The following OR2J3 variants were observed in gnomAD, a reference collection of about 807,000 sequenced individuals.
OR2J3 encodes the protein olfactory receptor family 2 subfamily J member 3, also known as olfactory receptor 2J3.
Under a neutral mutation model 18.5 loss-of-function variants are expected in OR2J3, and 13 were observed. The ratio of observed to expected loss-of-function variants is 0.70; its 90% CI spans 0.46 to 1.12. OR2J3 has a LOEUF of 1.12. Ranked by LOEUF, OR2J3 falls within the 50% of genes most tolerant of loss-of-function variation. OR2J3 has a pLI of 0.00. For synonymous variants in OR2J3, 142 were observed against 140.6 expected (o/e 1.01, Z -0.07); for missense variants, 321 against 371.6 (o/e 0.86, Z 1.12).
In OR2J3 at chr6:29,112,782, A is replaced by C. The variant is rs777661564; in HGVS notation, c.892A>C (p.Lys298Gln). The C allele has an allele frequency of 1.2e-6, 2 of 1,613,684 alleles. No individual in the cohort carries two copies. Among genetic ancestry groups the C allele is most frequent in the Non-Finnish European group, 8.5e-7 (1 of 1,179,654 alleles). Reference protein sequence around the residue: ...LNPLIYTLRNKVVRGAVKRLM... With the variant: ...LNPLIYTLRNQVVRGAVKRLM... ...CCCTCTAATCTACACCCTCAGAAAC[A>C]AAGTTGTAAGAGGGGCAGTGAAGAG... is the stretch of plus-strand genomic sequence containing the variant. The change falls in exon 4 of 4, where the codon AAA (lysine) becomes CAA (glutamine). Residue 298 changes from lysine (K) to glutamine (Q), a missense_variant. Physicochemically the swap from Lys to Gln is moderately conservative, Grantham distance 53 (BLOSUM62 1). Transcript: ENST00000641151.
chr6:29,114,730 C>T lies in OR2J3; in HGVS notation c.*1904C>T, dbSNP rs958549612. 6.6e-6 allele frequency: 1 copy of T among 152,056 alleles called. No homozygotes were observed. The highest frequency in any genetic ancestry group is 1.5e-5 in the Non-Finnish European group (1 of 67,990). The allele number at this position is 152,056 out of a possible 1,614,324, so 9.4% of individuals were successfully genotyped here. A position where few individuals can be genotyped will look rare whatever the true frequency, so the allele number is the denominator to read the frequency against. ...AAACTTTGTACCCTTTGACCAATAT[C>T]TCCCCATTTTCCCTATTTCTCTCCA... On this transcript the variant is annotated 3_prime_UTR_variant, in exon 4 of 4. Coordinates refer to ENST00000641151, the MANE Select transcript of OR2J3 (RefSeq NM_001005216.4).
rs1002773113 is a variant in OR2J3 at position 29,114,594 on chromosome 6, G to C, written c.*1768G>C. 6.6e-6 allele frequency: 1 copy of C among 152,082 alleles called. No individual in the cohort carries two copies. Among genetic ancestry groups the C allele is most frequent in the Non-Finnish European group, 1.5e-5 (1 of 68,010 alleles). The allele number at this position is 152,082 out of a possible 1,614,324, so 9.4% of individuals were successfully genotyped here. On this transcript the variant is annotated 3_prime_UTR_variant, in exon 4 of 4. Transcript: ENST00000641151. ...CTCACATACTTACCTGTTTTGTGGTGAGAACATTTAGGATCTATTATCTTA... is the reference window on the plus strand; with the variant it reads ...CTCACATACTTACCTGTTTTGTGGTCAGAACATTTAGGATCTATTATCTTA...
intron 3 of OR2J3, among the ~76,000 whole-genome samples, chr6:29,110,021 C>T (rs1024598020): frequency 1.3e-5 from 2 of 152,126 alleles, no homozygotes; most frequent in African/African-American, 4.8e-5. Flanking sequence ...CTGTGATAGA[C>T]ACACCTGCAA....
At chr6:29,108,761 T>G (rs1762017429) in intron 2 of OR2J3, 63 bp from the exon 3 acceptor site, 1 of 152,182 alleles carries the variant, frequency 6.6e-6, no homozygotes, top group African/African-American at 2.4e-5. Context: ...AACTTAAACT[T>G]TTGATATGGC....
Position 29,112,559 on chromosome 6 carries a change from C to T in OR2J3, c.669C>T (p.Ala223=). 1 of 1,614,058 alleles carries T rather than the reference C, an allele frequency of 6.2e-7. No individual in the cohort carries two copies. The highest frequency in any genetic ancestry group is 8.5e-7 in the Non-Finnish European group (1 of 1,179,964). Residue 223 remains alanine (A), a synonymous_variant, in exon 4 of 4, where the codon GCC becomes GCT. Transcript: ENST00000641151. ...TCCTCATTCTCACTTCTTATGGTGC[C>T]ATCGTCCGAGCTATACTGAGGATGC... ...PLILILTSYG[A]IVRAILRMQS...
chr6:29,111,332 A>G (rs1451411492), intron 3 of OR2J3, among the ~76,000 whole-genome samples: 1 of 152,226 alleles, frequency 6.6e-6, no homozygotes. Context: ...TAACACAAAT[A>G]TCACTGAAGT....
Position 29,108,547 on chromosome 6 carries a change from T to C in OR2J3, c.-170T>C, listed in dbSNP as rs1450865451. 6.6e-6 allele frequency: 1 copy of C among 152,180 alleles called. No individual in the cohort carries two copies. Among genetic ancestry groups the C allele is most frequent in the Non-Finnish European group, 1.5e-5 (1 of 68,048 alleles). The allele number at this position is 152,180 out of a possible 1,614,324, so 9.4% of individuals were successfully genotyped here. A position where few individuals can be genotyped will look rare whatever the true frequency, so the allele number is the denominator to read the frequency against. On this transcript the variant is annotated 5_prime_UTR_variant, in exon 2 of 4. Coordinates refer to ENST00000641151, the MANE Select transcript of OR2J3 (RefSeq NM_001005216.4). ...TTTTATTTTTTGTAGAGACATGGTC[T>C]CACTTCATTGCCCAGGCTAGTCTCG...
chr6:29,112,728 T>A lies in OR2J3; in HGVS notation c.838T>A (p.Phe280Ile). ...SQDQGKFIALFYTVVTPSLNP... is the reference protein window; with the variant it reads ...SQDQGKFIALIYTVVTPSLNP... ...AGATCAAGGCAAGTTCATTGCCCTCTTTTATACTGTTGTCACACCTAGTCT... is the reference window on the plus strand; with the variant it reads ...AGATCAAGGCAAGTTCATTGCCCTCATTTATACTGTTGTCACACCTAGTCT... Residue 280 changes from phenylalanine to isoleucine, a missense_variant, in exon 4 of 4, where the codon TTT (phenylalanine) becomes ATT (isoleucine). Physicochemically the swap from Phe to Ile is conservative, Grantham distance 21 (BLOSUM62 0). Coordinates refer to ENST00000641151, the MANE Select transcript of OR2J3 (RefSeq NM_001005216.4). 1 of 1,614,090 alleles carries A rather than the reference T, an allele frequency of 6.2e-7. No individual in the cohort carries two copies. Among genetic ancestry groups the A allele is most frequent in the Non-Finnish European group, 8.5e-7 (1 of 1,179,974 alleles).
Position 29,113,168 on chromosome 6 carries a change from C to T in OR2J3, c.*342C>T. On this transcript the variant is annotated 3_prime_UTR_variant, in exon 4 of 4. Transcript: ENST00000641151. ...TCTTGATAAAAGCGAAGCTGTAAAT[C>T]CTATGAAAAGATGATACTCTCAATT... The T allele has an allele frequency of 4.2e-6, 1 of 239,532 alleles. No homozygotes were observed. The highest frequency in any genetic ancestry group is 8.0e-6 in the Non-Finnish European group (1 of 124,598). The allele number at this position is 239,532 out of a possible 1,614,324, so 14.8% of individuals were successfully genotyped here.
In OR2J3 at chr6:29,114,523, T is replaced by C. The variant is rs1762263220; in HGVS notation, c.*1697T>C. On this transcript the variant is annotated 3_prime_UTR_variant, in exon 4 of 4. Coordinates refer to ENST00000641151, the MANE Select transcript of OR2J3 (RefSeq NM_001005216.4). The stretch of plus-strand genomic sequence containing the variant: ...ATATACAGCATAATGTTTTGACATA[T>C]GCATAATTATGCAATTATTACTCAA... 6.7e-6 allele frequency: 1 copy of C among 149,444 alleles called. No homozygotes were observed. Among genetic ancestry groups the C allele is most frequent in the African/African-American group, 2.4e-5 (1 of 41,060 alleles). 9.3% of individuals were successfully genotyped at this position (149,444 alleles called of 1,614,324 possible). A position where few individuals can be genotyped will look rare whatever the true frequency, so the allele number is the denominator to read the frequency against.
In OR2J3 at chr6:29,112,580, G is replaced by C. The variant is rs772194673; in HGVS notation, c.690G>C (p.Arg230Ser). 3.9e-5 allele frequency: 63 copies of C among 1,613,872 alleles called. No homozygotes were observed. The East Asian group carries it at 1.3e-3, about 33-fold the overall frequency. Residue 230 changes from arginine (R) to serine (S), a missense_variant, in exon 4 of 4, where the codon AGG becomes AGC. By Grantham distance (110) the Arg-to-Ser change is moderately radical. Transcript: ENST00000641151. Reference sequence around the variant, plus strand: ...GTGCCATCGTCCGAGCTATACTGAGGATGCAGTCAACCACTGGGCTTCAGA... The same window carrying C: ...GTGCCATCGTCCGAGCTATACTGAGCATGCAGTCAACCACTGGGCTTCAGA... ...SYGAIVRAIL[R>S]MQSTTGLQKV...
chr6:29,111,570 T>C (rs905134360), intron 3 of OR2J3: 12 of 272,538 alleles, frequency 4.4e-5, no homozygotes, highest in Non-Finnish European at 8.2e-5. Context: ...CAAATTTTTA[T>C]CCACTAGTTT....
At chr6:29,109,072 T>C (rs1180555382) in intron 3 of OR2J3, among the ~76,000 whole-genome samples, 197 bp downstream of exon 3, 1 of 152,120 alleles carries the variant, frequency 6.6e-6, no homozygotes, top group Non-Finnish European at 1.5e-5. Context: ...ACTATAACAT[T>C]TGTGTTCATA....
rs1319334633 is a variant in OR2J3, at chr6:29,112,477, A to G, written c.587A>G (p.His196Arg). ...ALLRLSCVDT[H>R]VNELTLMITS... ...CTGCGATTATCGTGTGTTGATACCC[A>G]TGTCAATGAGCTGACCCTCATGATC... Residue 196 changes from histidine (H) to arginine (R), a missense_variant, in exon 4 of 4, where the codon CAT becomes CGT. Transcript: ENST00000641151. 4 of 1,614,106 alleles carry G rather than the reference A, an allele frequency of 2.5e-6. No individual in the cohort carries two copies. The highest frequency in any genetic ancestry group is 1.3e-5 in the African/African-American group (1 of 75,030).
chr6:29,110,525 T>G (rs1311100334), intron 3 of OR2J3, among the ~76,000 whole-genome samples: 1 of 152,170 alleles, frequency 6.6e-6, no homozygotes, highest in Non-Finnish European at 1.5e-5. Flanking sequence ...TCCTTATTTA[T>G]TAACAAAGAA....
Position 29,108,079 on chromosome 6 carries a change from G to T in OR2J3, c.-397G>T, listed in dbSNP as rs1471611311. Reference sequence around the variant, plus strand: ...TCAGAGCTTTCTCTTCTGTAGCAATGATAGTCATAGCTACATTCAGACTGT... The same window carrying T: ...TCAGAGCTTTCTCTTCTGTAGCAATTATAGTCATAGCTACATTCAGACTGT... On this transcript the variant is annotated 5_prime_UTR_variant, in exon 1 of 4. It removes an upstream start codon present in the reference 5' UTR. Coordinates refer to ENST00000641151, the MANE Select transcript of OR2J3 (RefSeq NM_001005216.4). 1 of 152,144 alleles carries T rather than the reference G, an allele frequency of 6.6e-6. No individual in the cohort carries two copies. The highest frequency in any genetic ancestry group is 2.4e-5 in the African/African-American group (1 of 41,434). 9.4% of individuals were successfully genotyped at this position (152,144 alleles called of 1,614,324 possible). A position where few individuals can be genotyped will look rare whatever the true frequency, so the allele number is the denominator to read the frequency against.
In OR2J3 at chr6:29,112,064, G is replaced by A. The variant is rs748760954; in HGVS notation, c.174G>A (p.Leu58=). The change falls in exon 4 of 4, where the codon CTG becomes CTA. Residue 58 remains leucine (L), a synonymous_variant. Coordinates refer to ENST00000641151, the MANE Select transcript of OR2J3 (RefSeq NM_001005216.4). The stretch of plus-strand genomic sequence containing the variant: ...TCCTGTCATACCTGGACTCCCATCT[G>A]CACACACCAATGTACTTCTTCCTTT... ...IIILSYLDSH[L]HTPMYFFLSN... 3.7e-6 allele frequency: 6 copies of A among 1,614,086 alleles called. No homozygotes were observed. Among genetic ancestry groups the A allele is most frequent in the Non-Finnish European group, 4.2e-6 (5 of 1,180,022 alleles).
chr6:29,113,072 C>T lies in OR2J3; in HGVS notation c.*246C>T, dbSNP rs1762210155. The T allele has an allele frequency of 6.0e-6, 3 of 501,960 alleles. No homozygotes were observed. The highest frequency in any genetic ancestry group is 3.6e-5 in the Admixed American group (1 of 27,732). The allele number at this position is 501,960 out of a possible 1,614,324, so 31.1% of individuals were successfully genotyped here. On this transcript the variant is annotated 3_prime_UTR_variant, in exon 4 of 4. Coordinates refer to ENST00000641151, the MANE Select transcript of OR2J3 (RefSeq NM_001005216.4). Reference sequence around the variant, plus strand: ...TAAAACATCTATAGTGATGTTTTTCCATGGTACAAACCTAATGTATCCAAG... The same window carrying T: ...TAAAACATCTATAGTGATGTTTTTCTATGGTACAAACCTAATGTATCCAAG...
intron 2 of OR2J3, 74 bp from the exon 3 acceptor site, chr6:29,108,750 T>C (rs1259528591): frequency 6.6e-6 from 1 of 152,226 alleles, no homozygotes; most frequent in Non-Finnish European, 1.5e-5. Flanking sequence ...GTGTTAAGGA[T>C]AACTTAAACT....
Sources: gnomAD v4.1 joint callset for allele counts (sites outside exome capture counted in the v4.1 genomes callset) on GRCh38, gnomAD v4.1.1 for gene constraint, MANE v1.5 for transcripts, NCBI Gene and HGNC (gene_info 2026-07-23, HGNC 2026-07-21) for gene names.